ROBO2: variants seen among roughly 807,000 people sequenced by gnomAD.
ROBO2 encodes roundabout guidance receptor 2, also known as roundabout homolog 2.
A neutral mutation model predicts 160.8 loss-of-function variants in ROBO2; 53 were observed. That is an observed-to-expected ratio of 0.33 (90% CI 0.26 to 0.41). The LOEUF is 0.41. Ranked by LOEUF, ROBO2 falls within the 10% of genes least tolerant of loss-of-function variation. The pLI, the probability that ROBO2 is intolerant of heterozygous loss-of-function variation, is 1.00. For missense variants in ROBO2, 1,577 were observed against 1,722.4 expected (o/e 0.92, Z 1.49); for synonymous variants, 664 against 611.7 (o/e 1.09, Z -1.26).
At chr3:76,478,505 T>C (rs2079049608) in intron 2 of ROBO2, among the ~76,000 whole-genome samples, 1 of 151,852 alleles carries the variant, frequency 6.6e-6, no homozygotes, top group African/African-American at 2.4e-5. Flanking sequence ...ACTGGATCGC[T>C]TCCTTACACC....
At chr3:77,561,698 C>T (rs1240408016) in intron 9 of ROBO2, among the ~76,000 whole-genome samples, 4 of 152,100 alleles carry the variant, frequency 2.6e-5, no homozygotes, top group Non-Finnish European at 5.9e-5. Context: ...ATTGCAGTCA[C>T]TCCATAGCCA....
At chr3:77,576,889 T>C (rs1350960328) in intron 14 of ROBO2, among the ~76,000 whole-genome samples, 1 of 152,166 alleles carries the variant, frequency 6.6e-6, no homozygotes, top group East Asian at 1.9e-4. Flanking sequence ...CATTTATAGT[T>C]ATGTTTCTGT....
chr3:76,074,583 G>A (rs2068581971), intron 2 of ROBO2, among the ~76,000 whole-genome samples: 1 of 152,114 alleles, frequency 6.6e-6, no homozygotes, highest in South Asian at 2.1e-4. Flanking sequence ...AAAAGTAGTT[G>A]ATTATGAGTA....
chr3:76,911,890 G>T (rs1448958628), intron 2 of ROBO2, among the ~76,000 whole-genome samples: 1 of 152,004 alleles, frequency 6.6e-6, no homozygotes, highest in Non-Finnish European at 1.5e-5. Context: ...TATGACTTGA[G>T]CCCAGGAGGT....
intron 2 of ROBO2, among the ~76,000 whole-genome samples, chr3:76,909,177 C>A (rs917422839): frequency 6.6e-6 from 1 of 152,120 alleles, no homozygotes; most frequent in Non-Finnish European, 1.5e-5. Flanking sequence ...CAGTGAGCTG[C>A]GATCAAATCA....
intron 2 of ROBO2, among the ~76,000 whole-genome samples, chr3:76,764,543 A>G (rs996790700): frequency 2.0e-5 from 3 of 151,760 alleles, no homozygotes; most frequent in Non-Finnish European, 4.4e-5. Context: ...ACATCATTCA[A>G]TTGCCTGCCT....
chr3:77,262,531 T>C lies in ROBO2; in HGVS notation c.388+164191T>C, dbSNP rs553202616. Among the ~76,000 whole-genome samples the C allele has an allele frequency of 1.1e-4, 16 of 152,184 alleles. 1 individual carries two copies. Among genetic ancestry groups the C allele is most frequent in the Admixed American group, 5.9e-4 (9 of 15,280 alleles). On this transcript the variant is annotated intron_variant, in intron 2 of 25. Transcript: ENST00000461745. The stretch of plus-strand genomic sequence containing the variant: ...TAGCTATACATCCTTGTAAGTAATA[T>C]ATTACAACTGAAGAAATCCCTGAGG...
At chr3:77,414,730 T>A (rs754984696) in intron 2 of ROBO2, among the ~76,000 whole-genome samples, 5 of 152,200 alleles carry the variant, frequency 3.3e-5, no homozygotes, top group Non-Finnish European at 7.3e-5. Flanking sequence ...CAGTCCATGA[T>A]GCATTCATTA....
At chr3:76,192,524 CCA>C (rs3039244) in intron 2 of ROBO2, among the ~76,000 whole-genome samples, 15,310 of 129,914 alleles carry the variant, frequency 0.12, 972 homozygotes, top group African/African-American at 0.15. Context: ...CAACACTCCA[CCA>C]CACACACACA....
At chr3:76,336,133 G>A (rs1017138221) in intron 2 of ROBO2, among the ~76,000 whole-genome samples, 4 of 152,092 alleles carry the variant, frequency 2.6e-5, no homozygotes, top group African/African-American at 9.7e-5. Flanking sequence ...GGCTCTTTCT[G>A]TGTTATTGAT....
At chr3:77,065,751 T>C (rs2066772814) in intron 1 of ROBO2, among the ~76,000 whole-genome samples, 1 of 152,172 alleles carries the variant, frequency 6.6e-6, no homozygotes, top group South Asian at 2.1e-4. Context: ...TGAAGTCAAA[T>C]ATATGTTTCT....
chr3:76,788,155 T>C (rs1424032659), intron 2 of ROBO2, among the ~76,000 whole-genome samples: 1 of 151,208 alleles, frequency 6.6e-6, no homozygotes, highest in Non-Finnish European at 1.5e-5. Flanking sequence ...AGAAAGGAGA[T>C]CATATTTGTT....
At chr3:77,399,785 T>G (rs1298947027) in intron 2 of ROBO2, among the ~76,000 whole-genome samples, 4 of 152,214 alleles carry the variant, frequency 2.6e-5, no homozygotes, top group African/African-American at 9.6e-5. Context: ...TCTCTATCTT[T>G]TAAAAACATT....
intron 2 of ROBO2, among the ~76,000 whole-genome samples, chr3:77,139,030 A>T (rs1438484575): frequency 6.6e-6 from 1 of 152,188 alleles, no homozygotes; most frequent in Non-Finnish European, 1.5e-5. Flanking sequence ...TTTATTATAT[A>T]ATTATATTCT....
chr3:76,005,767 G>A (rs187010268), intron 2 of ROBO2, among the ~76,000 whole-genome samples: 1 of 152,246 alleles, frequency 6.6e-6, no homozygotes, highest in Non-Finnish European at 1.5e-5. Context: ...TGTTGAATAT[G>A]TGTAGATATA....
At chr3:76,664,434 GT>G (rs2091944452) in intron 2 of ROBO2, among the ~76,000 whole-genome samples, 1 of 152,116 alleles carries the variant, frequency 6.6e-6, no homozygotes, top group African/African-American at 2.4e-5. Flanking sequence ...TTAGAAGGAA[GT>G]ATACCAAGAT....
At chr3:77,350,761 C>T (rs1444639207) in intron 2 of ROBO2, among the ~76,000 whole-genome samples, 2 of 152,126 alleles carry the variant, frequency 1.3e-5, no homozygotes, top group Non-Finnish European at 2.9e-5. Flanking sequence ...GGGAGGGGCA[C>T]TTGTCGTTAA....
At chr3:76,122,947 C>G (rs1315200921) in intron 2 of ROBO2, among the ~76,000 whole-genome samples, 4 of 152,112 alleles carry the variant, frequency 2.6e-5, no homozygotes, top group Non-Finnish European at 5.9e-5. Context: ...CGGGGTTTCA[C>G]CGTGTTAGCC....
In ROBO2 at chr3:76,277,419, G is replaced by A. The variant is rs192135926; in HGVS notation, c.109+339817G>A. On this transcript the variant is annotated intron_variant, in intron 2 of 26. Transcript: ENST00000487694. ...AGAAGAAACATCAGAAATAGTTGACGGACTAAGAAGTAGGTCCTCTAGGGA... is the reference window on the plus strand; with the variant it reads ...AGAAGAAACATCAGAAATAGTTGACAGACTAAGAAGTAGGTCCTCTAGGGA... Among the ~76,000 whole-genome samples, 15 of 151,996 alleles carry A rather than the reference G, an allele frequency of 9.9e-5. No homozygotes were observed. In the East Asian group the frequency reaches 1.4e-3, roughly 14 times the overall value.
Sources: allele counts gnomAD v4.1 joint callset (sites outside exome capture counted in the v4.1 genomes callset), GRCh38; gene constraint gnomAD v4.1.1; transcripts MANE v1.5; gene names NCBI Gene and HGNC (gene_info 2026-07-23, HGNC 2026-07-21).